The following SPOPL variants were observed in gnomAD, a reference collection of about 807,000 sequenced individuals.
The protein encoded by SPOPL is speckle type BTB/POZ protein like.
In SPOPL, 23 loss-of-function variants were observed where a neutral mutation model predicts 53.8. The ratio of observed to expected loss-of-function variants is 0.43; its 90% confidence interval spans 0.31 to 0.61. The LOEUF is 0.61. SPOPL is among the 20% of genes least tolerant of loss of function. SPOPL has a pLI of 0.12. For missense variants in SPOPL, 442 were observed against 466.9 expected (o/e 0.95, Z 0.49); for synonymous variants, 164 against 149.7 (o/e 1.10, Z -0.70).
chr2:138,549,290 A>G (rs1360752406), intron 1 of SPOPL, among the ~76,000 whole-genome samples: 1 of 151,984 alleles, frequency 6.6e-6, no homozygotes, highest in African/African-American at 2.4e-5. Context: ...AATATCCTTT[A>G]TCTCTCATAA....
At chr2:138,540,513 A>G (rs1368537903) in intron 1 of SPOPL, among the ~76,000 whole-genome samples, 1 of 152,254 alleles carries the variant, frequency 6.6e-6, no homozygotes, top group Admixed American at 6.5e-5. Context: ...AAGCAATTAT[A>G]AATGGGAGTT....
intron 1 of SPOPL, among the ~76,000 whole-genome samples, chr2:138,520,841 C>T (rs1684541232): frequency 6.6e-6 from 1 of 152,160 alleles, no homozygotes; most frequent in Admixed American, 6.5e-5. Context: ...CCTCTTATAA[C>T]TGTAGTTATA....
intron 1 of SPOPL, among the ~76,000 whole-genome samples, chr2:138,531,175 A>G (rs1418041755): frequency 1.3e-5 from 2 of 151,820 alleles, no homozygotes; most frequent in Admixed American, 6.6e-5. Context: ...ATATAATTAT[A>G]TACTTATTTA....
chr2:138,566,955 A>G (rs1333452695), intron 10 of SPOPL, among the ~76,000 whole-genome samples: 1 of 152,224 alleles, frequency 6.6e-6, no homozygotes, highest in Non-Finnish European at 1.5e-5. Flanking sequence ...GGAAGTAGCA[A>G]GCATTGCAGA....
At chr2:138,529,500 G>C (rs975139312) in intron 1 of SPOPL, among the ~76,000 whole-genome samples, 4 of 14,744 alleles carry the variant, frequency 2.7e-4, no homozygotes, top group African/African-American at 5.4e-4. Context: ...GCATGTGCCT[G>C]TGTGTGTGTG....
Position 138,541,995 on chromosome 2 carries a change from C to A in SPOPL, c.-60-8162C>A, listed in dbSNP as rs143847947. ...ATTTCTGCCTTCATTTCGTTATGTA[C>A]CCAGTAGTCATTAAGGAGCAGGTTG... On this transcript the variant is annotated intron_variant, in intron 1 of 10. Transcript: ENST00000280098. Among the ~76,000 whole-genome samples the A allele has an allele frequency of 3.5e-3, 535 of 152,162 alleles. 1 individual carries two copies. Among genetic ancestry groups the A allele is most frequent in the African/African-American group, 0.012 (503 of 41,506 alleles).
intron 1 of SPOPL, among the ~76,000 whole-genome samples, chr2:138,518,180 G>A (rs1209875976): frequency 2.6e-5 from 4 of 151,808 alleles, no homozygotes; most frequent in Non-Finnish European, 4.4e-5. Flanking sequence ...TGGAAGTGGC[G>A]GAAGCTTTAA....
chr2:138,566,975 C>A (rs1423060609), intron 10 of SPOPL, among the ~76,000 whole-genome samples: 1 of 152,142 alleles, frequency 6.6e-6, no homozygotes, highest in East Asian at 1.9e-4. Context: ...ACAGAAGGGA[C>A]AGCATGAACC....
chr2:138,549,769 C>T (rs2104890937), intron 1 of SPOPL, among the ~76,000 whole-genome samples: 1 of 152,184 alleles, frequency 6.6e-6, no homozygotes, highest in Non-Finnish European at 1.5e-5. Flanking sequence ...TCTAACTTTG[C>T]AAACCTTTTG....
At chr2:138,550,777 G>T in intron 3 of SPOPL, 126 bp from the exon 4 acceptor site, 1 of 1,397,326 alleles carries the variant, frequency 7.2e-7, no homozygotes, top group Non-Finnish European at 9.7e-7. Context: ...ATGTTGACAG[G>T]AGTGCTGTTT....
intron 1 of SPOPL, among the ~76,000 whole-genome samples, chr2:138,547,914 C>T (rs1685233105): frequency 6.6e-6 from 1 of 152,060 alleles, no homozygotes; most frequent in South Asian, 2.1e-4. Context: ...TTTTCCCTGT[C>T]ATTAAGAAAA....
intron 1 of SPOPL, among the ~76,000 whole-genome samples, chr2:138,503,130 A>G (rs1217002721): frequency 6.6e-6 from 1 of 152,208 alleles, no homozygotes; most frequent in African/African-American, 2.4e-5. Context: ...CCACGATGAG[A>G]TTGGTGGAAT....
chr2:138,563,236 A>T (rs1328893088), intron 8 of SPOPL, among the ~76,000 whole-genome samples: 1 of 152,214 alleles, frequency 6.6e-6, no homozygotes, highest in African/African-American at 2.4e-5. Context: ...CCAACACGTT[A>T]GGAGGCCTGG....
chr2:138,544,945 T>C (rs1419155152), intron 1 of SPOPL, among the ~76,000 whole-genome samples: 1 of 152,242 alleles, frequency 6.6e-6, no homozygotes, highest in Non-Finnish European at 1.5e-5. Flanking sequence ...TTTCCTGGAA[T>C]ATGTGGGAGC....
chr2:138,515,726 G>T (rs945200028), intron 1 of SPOPL, among the ~76,000 whole-genome samples: 7 of 152,154 alleles, frequency 4.6e-5, no homozygotes, highest in Non-Finnish European at 7.4e-5. Context: ...GATAATATTT[G>T]TTGATTTCTT....
chr2:138,518,062 A>AAAAG (rs1684481884), intron 1 of SPOPL, among the ~76,000 whole-genome samples: 2 of 150,950 alleles, frequency 1.3e-5, no homozygotes, highest in African/African-American at 4.9e-5. Context: ...AAAAAAAAAA[A>AAAAG]AAAGAAAAGG....
intron 10 of SPOPL, 81 bp from the exon 11 acceptor site, chr2:138,568,855 C>T: frequency 6.8e-7 from 1 of 1,464,174 alleles, no homozygotes; most frequent in Non-Finnish European, 9.3e-7. Context: ...TTGAAATTTG[C>T]AAGTTTTTAA....
intron 1 of SPOPL, among the ~76,000 whole-genome samples, chr2:138,536,614 G>A (rs182687569): frequency 1.3e-3 from 205 of 152,202 alleles, no homozygotes; most frequent in African/African-American, 4.1e-3. Flanking sequence ...AATTTCTTCC[G>A]AATCCAGGTG....
intron 8 of SPOPL, among the ~76,000 whole-genome samples, chr2:138,561,197 A>G (rs893656999): frequency 6.6e-6 from 1 of 152,142 alleles, no homozygotes; most frequent in African/African-American, 2.4e-5. Flanking sequence ...CTTCCATTTA[A>G]AAGAACACAC....
Sources: allele counts gnomAD v4.1 joint callset (sites outside exome capture counted in the v4.1 genomes callset), GRCh38; gene constraint gnomAD v4.1.1; transcripts MANE v1.5; gene names NCBI Gene and HGNC (gene_info 2026-07-23, HGNC 2026-07-21).